Variants in ADAMTS17 observed in about 807,000 individuals in gnomAD.
ADAMTS17 encodes A disintegrin and metalloproteinase with thrombospondin motifs 17.
In ADAMTS17, 113 loss-of-function variants were observed where a neutral mutation model predicts 141.5. The observed-to-expected ratio is 0.80, with a 90% CI of 0.69 to 0.93. The LOEUF (loss-of-function observed/expected upper bound fraction) is 0.93, where lower values mean the gene tolerates loss of function less well. ADAMTS17 is among the 40% of genes least tolerant of loss of function. The probability of loss-of-function intolerance (pLI) is 0.00; values close to 1 mark genes in which losing one functional copy is unlikely to be tolerated. For missense variants in ADAMTS17, 1,659 were observed against 1,517.9 expected (o/e 1.09, Z -1.54); for synonymous variants, 768 against 630.6 (o/e 1.22, Z -3.27).
chr15:100,167,718 C>A lies in ADAMTS17; in HGVS notation c.1182-12398G>T, dbSNP rs185440373. ...TCAAAGAATGTGCTTTCATCTGCTA[C>A]AAAAGCGCGTATGGCGAAATTCAAT... On this transcript the variant is annotated intron_variant, in intron 8 of 21. Coordinates refer to ENST00000268070, the MANE Select transcript of ADAMTS17 (RefSeq NM_139057.4). 5.3e-5 allele frequency among the ~76,000 whole-genome samples: 8 copies of A among 152,322 alleles called. No individual in the cohort carries two copies. In the East Asian group the frequency reaches 1.5e-3, roughly 29 times the overall value.
intron 8 of ADAMTS17, among the ~76,000 whole-genome samples, chr15:100,164,891 A>G (rs2039886749): frequency 6.6e-6 from 1 of 152,196 alleles, no homozygotes; most frequent in Admixed American, 6.5e-5. Context: ...AGATGCCCTC[A>G]GGACACCTCT....
chr15:100,217,718 T>C (rs1483835496), intron 7 of ADAMTS17, among the ~76,000 whole-genome samples: 1 of 152,260 alleles, frequency 6.6e-6, no homozygotes, highest in Non-Finnish European at 1.5e-5. Flanking sequence ...AAATTTTTTA[T>C]GCTTCGGAAG....
chr15:99,993,075 G>A lies in ADAMTS17; in HGVS notation c.2922C>T (p.Tyr974=), dbSNP rs1318208329. ...TAGACCAGTCCCCAGTTTTCCACTC[G>A]TAGCAGCCTGAGTAGTCCTCGCAGG... is the stretch of plus-strand genomic sequence containing the variant. ...EEACEDYSGC[Y]EWKTGDWSTC... Residue 974 remains tyrosine (Y), a synonymous_variant, in exon 20 of 22, where the codon TAC becomes TAT. Coordinates refer to ENST00000268070, the MANE Select transcript of ADAMTS17 (RefSeq NM_139057.4). The surrounding 1 kb of genome is among the most constrained non-coding windows in gnomAD (Gnocchi z 4.3). The A allele has an allele frequency of 1.2e-5, 19 of 1,614,018 alleles. No homozygotes were observed. The highest frequency in any genetic ancestry group is 2.2e-5 in the East Asian group (1 of 44,882).
chr15:100,098,480 C>G (rs978337069), intron 14 of ADAMTS17, among the ~76,000 whole-genome samples: 20 of 152,154 alleles, frequency 1.3e-4, no homozygotes, highest in African/African-American at 4.6e-4. Context: ...AACCCCGTCT[C>G]TACTAAAAAT....
intron 18 of ADAMTS17, among the ~76,000 whole-genome samples, chr15:100,018,323 G>GA (rs1475367963): frequency 5.9e-5 from 9 of 152,198 alleles, no homozygotes; most frequent in Middle Eastern, 3.4e-3. Context: ...AACAATAAAA[G>GA]AAAAAAATCA....
intron 20 of ADAMTS17, among the ~76,000 whole-genome samples, chr15:99,990,345 A>C (rs554741251): frequency 6.6e-6 from 1 of 152,254 alleles, no homozygotes; most frequent in Middle Eastern, 3.4e-3. Context: ...CAAAGCACAC[A>C]TATCTTTTGT....
chr15:100,230,401 TGGA>T (rs1405062415), intron 7 of ADAMTS17, among the ~76,000 whole-genome samples: 1 of 152,158 alleles, frequency 6.6e-6, no homozygotes, highest in Non-Finnish European at 1.5e-5. Flanking sequence ...GGTACAGAGT[TGGA>T]GGAGAAGTCA....
At position 100,048,913 on chromosome 15, in the gene ADAMTS17, T is replaced by A; in HGVS notation, c.2535A>T (p.Gln845His). ...TTLVNDSDCPQASRPEPQVRR... is the reference protein window; with the variant it reads ...TTLVNDSDCPHASRPEPQVRR... ...GGACCTGGGGCTCTGGGCGGCTTGC[T>A]TGAGGGCAGTCACTGTCGTTCACCA... Residue 845 changes from glutamine to histidine, a missense_variant, in exon 18 of 22, where the codon CAA becomes CAT. By Grantham distance (24) the Gln-to-His change is conservative. Coordinates refer to ENST00000268070, the MANE Select transcript of ADAMTS17 (RefSeq NM_139057.4). The A allele has an allele frequency of 6.2e-7, 1 of 1,614,186 alleles. No individual in the cohort carries two copies. The highest frequency in any genetic ancestry group is 1.1e-5 in the South Asian group (1 of 91,080).
At chr15:100,004,682 G>A (rs889124544) in intron 18 of ADAMTS17, among the ~76,000 whole-genome samples, 35 of 144,820 alleles carry the variant, frequency 2.4e-4, no homozygotes, top group Non-Finnish European at 2.1e-4. Context: ...GTGCAATGGC[G>A]CAATCTCGGC....
chr15:100,235,385 C>T (rs1195203227), intron 7 of ADAMTS17, among the ~76,000 whole-genome samples: 1 of 152,198 alleles, frequency 6.6e-6, no homozygotes, highest in African/African-American at 2.4e-5. Context: ...ACCTCCCCGA[C>T]CACCCCACAC....
intron 18 of ADAMTS17, among the ~76,000 whole-genome samples, chr15:100,001,439 G>T (rs372108128): frequency 3.8e-4 from 58 of 151,928 alleles, no homozygotes; most frequent in African/African-American, 1.4e-3. Flanking sequence ...ATGCTATAAC[G>T]GTGGAAACAT....
intron 21 of ADAMTS17, among the ~76,000 whole-genome samples, chr15:99,975,561 G>C (rs1210805680): frequency 6.6e-6 from 1 of 152,090 alleles, no homozygotes; most frequent in African/African-American, 2.4e-5. Context: ...CCTGGGGCAT[G>C]AACTGGTAAG....
At chr15:100,155,388 C>T (rs899081625) in intron 8 of ADAMTS17, 68 bp from the exon 9 acceptor site, 14 of 1,572,146 alleles carry the variant, frequency 8.9e-6, no homozygotes, top group African/African-American at 4.1e-5. Flanking sequence ...CTGGTGCTAG[C>T]GGACCATGCT....
At chr15:100,177,773 A>G (rs961042848) in intron 8 of ADAMTS17, among the ~76,000 whole-genome samples, 11 of 152,176 alleles carry the variant, frequency 7.2e-5, no homozygotes, top group Non-Finnish European at 1.2e-4. Flanking sequence ...TCATCTAGCT[A>G]TAATTGTGGA....
chr15:100,341,189 C>T lies in ADAMTS17; in HGVS notation c.300G>A (p.Leu100=), dbSNP rs2046354313. The T allele has an allele frequency of 2.0e-6, 3 of 1,464,220 alleles. No homozygotes were observed. The highest frequency in any genetic ancestry group is 2.7e-6 in the Non-Finnish European group (3 of 1,111,916). The allele number at this position is 1,464,220 out of a possible 1,614,324, so 90.7% of individuals were successfully genotyped here. The change falls in exon 2 of 22, where the codon CTG becomes CTA. Residue 100 remains leucine, a synonymous_variant. Transcript: ENST00000268070. ...RDLYLQLRRD[L]RFLSRGFEVE... ...CCTCGAAGCCTCGGGACAGGAAGCG[C>T]AGGTCGCGGCGCAGCTGAAGGTACA...
intron 8 of ADAMTS17, among the ~76,000 whole-genome samples, chr15:100,160,373 A>G (rs1230717727): frequency 6.6e-6 from 1 of 152,218 alleles, no homozygotes; most frequent in East Asian, 1.9e-4. Context: ...GGCAGCTACC[A>G]GAAGGGTTTT....
intron 13 of ADAMTS17, among the ~76,000 whole-genome samples, chr15:100,112,724 G>A (rs1204289126): frequency 2.0e-5 from 3 of 152,190 alleles, no homozygotes; most frequent in African/African-American, 7.2e-5. Context: ...GGTGTGTGCT[G>A]AGATGGAATT....
chr15:100,091,604 T>C (rs893077047), intron 15 of ADAMTS17, among the ~76,000 whole-genome samples: 2 of 152,200 alleles, frequency 1.3e-5, no homozygotes, highest in African/African-American at 4.8e-5. Flanking sequence ...AAGTCATTTG[T>C]GTCTGAATTT....
intron 7 of ADAMTS17, among the ~76,000 whole-genome samples, chr15:100,231,716 C>T (rs376422361): frequency 7.9e-5 from 12 of 152,226 alleles, no homozygotes; most frequent in Middle Eastern, 3.4e-3. Flanking sequence ...GGTCAGGTGC[C>T]GGTTTTTCTT....
Sources: gnomAD v4.1 joint callset for allele counts (sites outside exome capture counted in the v4.1 genomes callset) on GRCh38, gnomAD v4.1.1 for gene constraint, Gnocchi (gnomAD v3.1) non-coding constraint, MANE v1.5 for transcripts, NCBI Gene and HGNC (gene_info 2026-07-23, HGNC 2026-07-21) for gene names.